The following TPRA1 variants were observed in gnomAD, a reference collection of about 807,000 sequenced individuals.
TPRA1 encodes transmembrane protein adipocyte-associated 1.
A neutral mutation model predicts 40.1 loss-of-function variants in TPRA1; 28 were observed. That is an observed-to-expected ratio of 0.70 (90% CI 0.52 to 0.96). The LOEUF is 0.96. Ranked by LOEUF, TPRA1 falls within the 40% of genes least tolerant of loss-of-function variation. The probability of loss-of-function intolerance (pLI) is 0.00; values close to 1 mark genes in which losing one functional copy is unlikely to be tolerated. For synonymous variants in TPRA1, 219 were observed against 209.7 expected (o/e 1.04, Z -0.38); for missense variants, 441 against 482.6 (o/e 0.91, Z 0.81).
At chr3:127,592,372 T>G (rs1393094118), upstream of TPRA1, among the ~76,000 whole-genome samples, 4 of 128,484 alleles carry the variant, frequency 3.1e-5, no homozygotes, top group Admixed American at 1.5e-4. Context: ...ATGCTGTTTT[T>G]TTTTTTTTTT....
At chr3:127,577,198 G>A (rs921733671) in intron 3 of TPRA1, 122 bp from the exon 4 acceptor site, 37 of 977,082 alleles carry the variant, frequency 3.8e-5, no homozygotes, top group Non-Finnish European at 5.5e-5. Context: ...GGAGGAAGGC[G>A]CAAAGTCAGG....
At position 127,595,893 on chromosome 3, in the gene TPRA1, T is replaced by G. The variant is rs2074235840; in HGVS notation, c.-390-203A>C. Reference sequence around the variant, plus strand: ...CTATGAGGACCTGAATCCTATCATGTGAAGAAGCTTGGAAGGGGATCCTCC... The same window carrying G: ...CTATGAGGACCTGAATCCTATCATGGGAAGAAGCTTGGAAGGGGATCCTCC... On this transcript the variant is annotated intron_variant, in intron 1 of 3. Coordinates refer to the TPRA1 transcript ENST00000462228. 2.6e-5 allele frequency among the ~76,000 whole-genome samples: 4 copies of G among 152,048 alleles called. No homozygotes were observed. In the South Asian group the frequency reaches 8.3e-4, roughly 32 times the overall value.
chr3:127,594,645 T>C (rs2074224214), upstream of TPRA1, among the ~76,000 whole-genome samples: 1 of 152,158 alleles, frequency 6.6e-6, no homozygotes, highest in South Asian at 2.1e-4. Flanking sequence ...CCACTGAGAC[T>C]GTAAGCAATC....
intron 3 of TPRA1, among the ~76,000 whole-genome samples, chr3:127,578,957 G>A (rs1256377261): frequency 6.6e-6 from 1 of 152,114 alleles, no homozygotes; most frequent in Non-Finnish European, 1.5e-5. Flanking sequence ...GCCCACACCA[G>A]GACAGCCCGC....
At chr3:127,597,824 T>C (rs1426722495) in intron 1 of TPRA1, among the ~76,000 whole-genome samples, 2 of 152,012 alleles carry the variant, frequency 1.3e-5, no homozygotes, top group African/African-American at 4.8e-5. Flanking sequence ...TTTTTTTTTT[T>C]TGAGACGGAG....
chr3:127,574,456 A>C (rs1156855289), intron 10 of TPRA1, among the ~76,000 whole-genome samples: 2 of 152,196 alleles, frequency 1.3e-5, no homozygotes, highest in African/African-American at 4.8e-5. Flanking sequence ...ATCCCATCTC[A>C]CAGACGCTTC....
rs770744152 is a variant in TPRA1, at chr3:127,575,821, G to C, written c.610-12C>G. The C allele has an allele frequency of 6.2e-6, 10 of 1,613,724 alleles. No individual in the cohort carries two copies. The highest frequency in any genetic ancestry group is 8.5e-6 in the Non-Finnish European group (10 of 1,179,978). On this transcript the variant is annotated splice_polypyrimidine_tract_variant and intron_variant, in intron 7 of 10. Transcript: ENST00000355552. The stretch of plus-strand genomic sequence containing the variant: ...ACCAGAGAGTAGACCTACAGAGACA[G>C]GCAGGGCTGAGAAGGTGCTGGGGGC...
At position 127,580,247 on chromosome 3, in the gene TPRA1, A is replaced by G. The variant is rs1205662385; in HGVS notation, c.-17-84T>C. ...CTGGACCTGGGACTCCCAGGGGAAA[A>G]TCAGAGGGGCTGCACAGAGCACCCC... On this transcript the variant is annotated intron_variant, in intron 1 of 10. Transcript: ENST00000355552. The G allele has an allele frequency of 4.1e-6, 6 of 1,475,434 alleles. 1 individual carries two copies. The Admixed American group carries it at 6.1e-5, about 15-fold the overall frequency. 91.4% of individuals were successfully genotyped at this position (1,475,434 alleles called of 1,614,324 possible).
chr3:127,575,208 CACGTAGATGAGCGGAGCGAAGAAGCTG>C lies in TPRA1; in HGVS notation c.804_830del (p.Phe268_Val277delinsLeu). The C allele has an allele frequency of 6.2e-7, 1 of 1,614,044 alleles. No individual in the cohort carries two copies. Among genetic ancestry groups the C allele is most frequent in the Non-Finnish European group, 8.5e-7 (1 of 1,180,000 alleles). Reference sequence around the variant, plus strand: ...ACCCGAAGAAGCCCCGGAGGAAAGCCACGTAGATGAGCGGAGCGAAGAAGCTGAAGTACAGGAAGGTTGTGGCATCTA... The same window carrying C: ...ACCCGAAGAAGCCCCGGAGGAAAGCCAAGTACAGGAAGGTTGTGGCATCTA... On this transcript the variant is annotated inframe_deletion, in exon 10 of 11. Transcript: ENST00000355552.
chr3:127,577,059 C>G lies in TPRA1; in HGVS notation c.276G>C (p.Leu92=), dbSNP rs113679923. The change falls in exon 4 of 11, where the codon CTG becomes CTC. Residue 92 remains leucine, a synonymous_variant. Transcript: ENST00000355552. The part of the protein sequence containing the change: ...TFYILVFVVA[L]VGIARAVVSM... ...ATACCACGGCCCGGGCAATGCCCAC[C>G]AGCGCCACCACAAACACCTGGTGGG... The G allele has an allele frequency of 1.9e-5, 30 of 1,613,306 alleles. No homozygotes were observed. The South Asian group carries it at 3.1e-4, about 17-fold the overall frequency.
Position 127,573,638 on chromosome 3 carries a change from G to A in TPRA1, c.1005C>T (p.Ser335=). The change falls in exon 11 of 11, where the codon AGC becomes AGT. Residue 335 remains serine, a synonymous_variant. Coordinates refer to ENST00000355552, the MANE Select transcript of TPRA1 (RefSeq NM_001136053.4). ...CCCCGCCGGCAGAGTCGAACTGCGT[G>A]CTCGAGTAGCTGGCAGCTGAGGCCC... ...AAGASAASYS[S]TQFDSAGGVA... 2.5e-6 allele frequency: 4 copies of A among 1,613,434 alleles called. No homozygotes were observed. The highest frequency in any genetic ancestry group is 2.5e-6 in the Non-Finnish European group (3 of 1,180,004).
At chr3:127,586,470 C>T (rs754281517) in intron 1 of TPRA1, among the ~76,000 whole-genome samples, 23 of 152,228 alleles carry the variant, frequency 1.5e-4, no homozygotes, top group Non-Finnish European at 2.8e-4. Context: ...GGAGTCTTCC[C>T]ATCTCAGCCT....
At chr3:127,582,172 G>T (rs2073853808) in intron 1 of TPRA1, among the ~76,000 whole-genome samples, 1 of 152,138 alleles carries the variant, frequency 6.6e-6, no homozygotes, top group Non-Finnish European at 1.5e-5. Context: ...AACACCTCTG[G>T]ATGAAAGGGA....
In TPRA1 at chr3:127,575,434, G is replaced by C; in HGVS notation, c.742C>G (p.Leu248Val). The change falls in exon 9 of 11, where the codon CTG becomes GTG. Residue 248 changes from leucine (L) to valine (V), a missense_variant. Physicochemically the swap from Leu to Val is conservative, Grantham distance 32. Transcript: ENST00000355552. Reference protein sequence around the residue: ...LNLLQGLGSVLLCFDIIEGLC... With the variant: ...LNLLQGLGSVVLCFDIIEGLC... ...CCCTCGATGATGTCGAAGCACAGCA[G>C]CACACTCCCCAGCCCCTGCAGTAGG... 2 of 1,601,418 alleles carry C rather than the reference G, an allele frequency of 1.2e-6. No homozygotes were observed. Among genetic ancestry groups the C allele is most frequent in the Non-Finnish European group, 1.7e-6 (2 of 1,174,248 alleles).
At position 127,580,215 on chromosome 3, in the gene TPRA1, C is replaced by T. The variant is rs569750166; in HGVS notation, c.-17-52G>A. 1.7e-4 allele frequency: 268 copies of T among 1,568,234 alleles called. 2 individuals carry two copies. In the South Asian group the frequency reaches 2.2e-3, roughly 13 times the overall value. The stretch of plus-strand genomic sequence containing the variant: ...GCTGTGTGGCCTGGGCCACTGTCCT[C>T]CTTCCCCTGGACCTGGGACTCCCAG... On this transcript the variant is annotated intron_variant, in intron 1 of 10. Coordinates refer to ENST00000355552, the MANE Select transcript of TPRA1 (RefSeq NM_001136053.4).
chr3:127,575,320 C>T (rs768984961), intron 9 of TPRA1, 55 bp from the exon 10 acceptor site: 3 of 1,589,494 alleles, frequency 1.9e-6, no homozygotes, highest in East Asian at 4.6e-5. Flanking sequence ...GACTCCACAC[C>T]TCCCCATGCC....
chr3:127,586,883 C>G (rs1202454118), intron 1 of TPRA1, among the ~76,000 whole-genome samples: 2 of 152,132 alleles, frequency 1.3e-5, no homozygotes, highest in Non-Finnish European at 2.9e-5. Context: ...GGGAGTCAGG[C>G]AGAGTCCAGG....
chr3:127,578,743 C>T (rs1288280766), intron 3 of TPRA1, among the ~76,000 whole-genome samples: 7 of 152,202 alleles, frequency 4.6e-5, no homozygotes. Context: ...TCCCCAGCCC[C>T]TTGTCTGTCT....
intron 3 of TPRA1, among the ~76,000 whole-genome samples, chr3:127,577,503 G>C (rs1166195351): frequency 1.3e-5 from 2 of 152,160 alleles, no homozygotes; most frequent in Admixed American, 1.3e-4. Flanking sequence ...TGGATTAACA[G>C]ATGCAGCAGA....
Sources: allele counts gnomAD v4.1 joint callset (sites outside exome capture counted in the v4.1 genomes callset), GRCh38; gene constraint gnomAD v4.1.1; transcripts MANE v1.5; gene names NCBI Gene and HGNC (gene_info 2026-07-23, HGNC 2026-07-21).